CACNB2: variants seen among roughly 807,000 people sequenced by gnomAD.
CACNB2 encodes the protein voltage-dependent L-type calcium channel subunit beta-2.
CACNB2 carries 42 observed loss-of-function variants against 73.3 expected under a neutral mutation model. That is an observed-to-expected ratio of 0.57 (90% CI 0.45 to 0.74). CACNB2 has a LOEUF of 0.74. CACNB2 is among the 30% of genes least tolerant of loss of function. The pLI, the probability that CACNB2 is intolerant of heterozygous loss-of-function variation, is 0.00. For synonymous variants in CACNB2, 348 were observed against 310.3 expected (o/e 1.12, Z -1.28); for missense variants, 940 against 853.0 (o/e 1.10, Z -1.27).
At chr10:18,477,105 G>T (rs1332612662) in intron 3 of CACNB2, among the ~76,000 whole-genome samples, 1 of 152,024 alleles carries the variant, frequency 6.6e-6, no homozygotes, top group Non-Finnish European at 1.5e-5. Flanking sequence ...TGGTCCTTTT[G>T]TTATTTGAGC....
chr10:18,481,192 C>CAATATATATATATA (rs1228539443), intron 3 of CACNB2, among the ~76,000 whole-genome samples: 1 of 36,700 alleles, frequency 2.7e-5, no homozygotes, highest in Non-Finnish European at 4.4e-5. Context: ...TACATCTTCG[C>CAATATATATATATA]TATATATATA....
chr10:18,183,920 G>C (rs528227483), intron 2 of CACNB2, among the ~76,000 whole-genome samples: 2 of 152,288 alleles, frequency 1.3e-5, no homozygotes, highest in African/African-American at 2.4e-5. Flanking sequence ...GCCCAGGAGA[G>C]TTACTGAATT....
In CACNB2 at chr10:18,402,076, C is replaced by T. The variant is rs546006092; in HGVS notation, c.333+33C>T. On this transcript the variant is annotated intron_variant, in intron 3 of 13. Coordinates refer to ENST00000324631, the MANE Select transcript of CACNB2 (RefSeq NM_201596.3). ...CGTTTCCTCCCTGCCAAGATCTTTG[C>T]AAGTTGTGCTGTGCCCCTGATAGAC... 5.0e-4 allele frequency: 798 copies of T among 1,610,598 alleles called. 21 individuals carry two copies. In the South Asian group the frequency reaches 7.8e-3, roughly 16 times the overall value.
chr10:18,533,098 G>A (rs1434944897), intron 10 of CACNB2: 3 of 152,178 alleles, frequency 2.0e-5, no homozygotes, highest in South Asian at 2.1e-4. Context: ...AGAATCCAAC[G>A]GCCTAAGAGG....
At chr10:18,220,180 T>C (rs1159650467) in intron 2 of CACNB2, among the ~76,000 whole-genome samples, 4 of 77,342 alleles carry the variant, frequency 5.2e-5, no homozygotes, top group African/African-American at 7.8e-5. Flanking sequence ...CACATACATA[T>C]ATATACATAT....
intron 2 of CACNB2, among the ~76,000 whole-genome samples, chr10:18,197,434 G>A (rs915352771): frequency 6.6e-6 from 1 of 152,196 alleles, no homozygotes; most frequent in Non-Finnish European, 1.5e-5. Flanking sequence ...TGAAAGTCCA[G>A]AGATAAAGCA....
At chr10:18,498,837 T>A (rs1468033971) in intron 4 of CACNB2, 1 of 277,578 alleles carries the variant, frequency 3.6e-6, no homozygotes, top group Non-Finnish European at 7.0e-6. Context: ...CTGGGGAGGG[T>A]TTAATAATAA....
intron 2 of CACNB2, among the ~76,000 whole-genome samples, chr10:18,302,296 A>T (rs1374665691): frequency 6.6e-6 from 1 of 152,182 alleles, no homozygotes; most frequent in African/African-American, 2.4e-5. Context: ...TTGTTGCTGT[A>T]GCAGTCTTCC....
At chr10:18,334,042 A>G (rs1411358764) in intron 2 of CACNB2, among the ~76,000 whole-genome samples, 1 of 152,222 alleles carries the variant, frequency 6.6e-6, no homozygotes, top group African/African-American at 2.4e-5. Context: ...ATGTCGACAG[A>G]TAATAGCAAT....
chr10:18,384,316 C>T lies in CACNB2; in HGVS notation c.214-17608C>T, dbSNP rs185093670. On this transcript the variant is annotated intron_variant, in intron 2 of 13. Transcript: ENST00000324631. ...TTGAAAAACAATTTCCAAGTAATGG[C>T]TGTGTATATTACGTGAAAAATTACC... is the stretch of plus-strand genomic sequence containing the variant. Among the ~76,000 whole-genome samples the T allele has an allele frequency of 6.6e-5, 10 of 152,286 alleles. No homozygotes were observed. The East Asian group carries it at 1.9e-3, about 29-fold the overall frequency.
At chr10:18,417,287 T>C (rs923899718) in intron 3 of CACNB2, among the ~76,000 whole-genome samples, 20 of 151,684 alleles carry the variant, frequency 1.3e-4, no homozygotes, top group Non-Finnish European at 1.5e-5. Flanking sequence ...TTATTGTCAT[T>C]ACACCATTGA....
chr10:18,289,292 G>GTTT (rs1218890630), intron 2 of CACNB2, among the ~76,000 whole-genome samples: 4 of 55,612 alleles, frequency 7.2e-5, no homozygotes, highest in Non-Finnish European at 1.4e-4. Flanking sequence ...TTGTTTTTTT[G>GTTT]TTTTGTTTTT....
chr10:18,390,563 T>C (rs1410367043), intron 2 of CACNB2, among the ~76,000 whole-genome samples: 1 of 152,214 alleles, frequency 6.6e-6, no homozygotes, highest in African/African-American at 2.4e-5. Context: ...TCTAGAGTTT[T>C]ATATTTATTT....
intron 2 of CACNB2, among the ~76,000 whole-genome samples, chr10:18,315,485 A>G (rs555502364): frequency 1.9e-3 from 204 of 105,600 alleles, no homozygotes; most frequent in African/African-American, 7.2e-3. Flanking sequence ...GCAAAAAGAG[A>G]CCTTGTCTCT....
intron 5 of CACNB2, among the ~76,000 whole-genome samples, chr10:18,501,297 A>G (rs1020211984): frequency 6.6e-6 from 1 of 152,254 alleles, no homozygotes; most frequent in African/African-American, 2.4e-5. Context: ...CACTGTCTGT[A>G]GCTGCCTGGT....
intron 2 of CACNB2, among the ~76,000 whole-genome samples, chr10:18,267,516 G>A (rs924386763): frequency 6.6e-6 from 1 of 152,088 alleles, no homozygotes; most frequent in Non-Finnish European, 1.5e-5. Flanking sequence ...TGAGGCATGA[G>A]AATCACTTGA....
chr10:18,205,526 C>G (rs1194668401), intron 2 of CACNB2, among the ~76,000 whole-genome samples: 1 of 152,154 alleles, frequency 6.6e-6, no homozygotes, highest in Non-Finnish European at 1.5e-5. Context: ...TCTTTCTTTT[C>G]CACTGGGTGA....
At chr10:18,228,453 A>AAAAAAAAAAAAAAC (rs2036099006) in intron 2 of CACNB2, among the ~76,000 whole-genome samples, 1 of 150,554 alleles carries the variant, frequency 6.6e-6, no homozygotes. Flanking sequence ...AAAAAAAGAA[A>AAAAAAAAAAAAAAC]AAAAAAAAGA....
intron 2 of CACNB2, among the ~76,000 whole-genome samples, chr10:18,343,410 C>T (rs1018743882): frequency 2.0e-5 from 3 of 152,170 alleles, no homozygotes; most frequent in Non-Finnish European, 4.4e-5. Context: ...AATACTAAAC[C>T]GTCCCCTAAA....
Sources: allele counts gnomAD v4.1 joint callset (sites outside exome capture counted in the v4.1 genomes callset), GRCh38; gene constraint gnomAD v4.1.1; transcripts MANE v1.5; gene names NCBI Gene and HGNC (gene_info 2026-07-23, HGNC 2026-07-21).